WSB1: variants seen among roughly 807,000 people sequenced by gnomAD.
The protein encoded by WSB1 is WD repeat and SOCS box containing 1.
Under a neutral mutation model 50.2 loss-of-function variants are expected in WSB1, and 23 were observed. That is an observed-to-expected ratio of 0.46 (90% CI 0.33 to 0.65). The LOEUF (loss-of-function observed/expected upper bound fraction) is 0.65. Among genes scored for constraint, WSB1 ranks in the 30% least tolerant of loss-of-function variants. The probability of loss-of-function intolerance (pLI) is 0.02; values close to 1 mark genes in which losing one functional copy is unlikely to be tolerated. For synonymous variants in WSB1, 179 were observed against 172.0 expected (o/e 1.04, Z -0.32); for missense variants, 492 against 522.3 (o/e 0.94, Z 0.56).
rs1229736670 is a variant in WSB1, at chr17:27,314,126, T to A, written c.*1757T>A. On this transcript the variant is annotated 3_prime_UTR_variant, in exon 9 of 9. Coordinates refer to ENST00000262394, the MANE Select transcript of WSB1 (RefSeq NM_015626.10). The stretch of plus-strand genomic sequence containing the variant: ...GTAAAAATTTATAGGGGGTGTAGGG[T>A]TATCAATTTGAAAGCCAGTAGAAAA... The A allele has an allele frequency of 6.6e-6, 1 of 152,138 alleles. No individual in the cohort carries two copies. Among genetic ancestry groups the A allele is most frequent in the Non-Finnish European group, 1.5e-5 (1 of 68,028 alleles). 9.4% of individuals were successfully genotyped at this position (152,138 alleles called of 1,614,324 possible). A position where few individuals can be genotyped will look rare whatever the true frequency, so the allele number is the denominator to read the frequency against.
At chr17:27,306,271 G>A (rs1383210995) in intron 4 of WSB1, among the ~76,000 whole-genome samples, 1 of 140,038 alleles carries the variant, frequency 7.1e-6, no homozygotes, top group Non-Finnish European at 1.5e-5. Context: ...GGAGTGCAGC[G>A]GCGTGATCTC....
rs566710348 is a variant in WSB1 at position 27,315,801 on chromosome 17, T to C, written c.*3432T>C. The stretch of plus-strand genomic sequence containing the variant: ...TCTAGAGTTATATATGGATGTACTA[T>C]CATTTGGTGATAAAAGCATAGAAAA... On this transcript the variant is annotated 3_prime_UTR_variant, in exon 9 of 9. Transcript: ENST00000262394. 46 of 152,376 alleles carry C rather than the reference T, an allele frequency of 3.0e-4. No homozygotes were observed. The highest frequency in any genetic ancestry group is 1.1e-3 in the African/African-American group (45 of 41,594). The allele number at this position is 152,376 out of a possible 1,614,324, so 9.4% of individuals were successfully genotyped here.
In WSB1 at chr17:27,312,463, TAGA is replaced by T. The variant is rs2017724660; in HGVS notation, c.*98_*100del. 6.7e-7 allele frequency: 1 copy of T among 1,496,482 alleles called. No homozygotes were observed. The highest frequency in any genetic ancestry group is 1.4e-5 in the African/African-American group (1 of 70,622). 92.7% of individuals were successfully genotyped at this position (1,496,482 alleles called of 1,614,324 possible). ...CTTCAATTATCTGTTTTTAAAGACG[TAGA>T]AGATTTATTTAATTTGATATGTTCT... On this transcript the variant is annotated 3_prime_UTR_variant, in exon 9 of 9. Coordinates refer to ENST00000262394, the MANE Select transcript of WSB1 (RefSeq NM_015626.10).
chr17:27,308,879 A>G, intron 5 of WSB1: 1 of 1,162,760 alleles, frequency 8.6e-7, no homozygotes, highest in Non-Finnish European at 1.1e-6. Flanking sequence ...TTTTTAAATT[A>G]ACATTTAACA....
chr17:27,301,471 A>T (rs925080589), intron 1 of WSB1, among the ~76,000 whole-genome samples: 2 of 152,228 alleles, frequency 1.3e-5, no homozygotes, highest in African/African-American at 4.8e-5. Flanking sequence ...ATACAATGCA[A>T]AAGTTAGGAC....
At chr17:27,301,646 C>T (rs953507290) in intron 1 of WSB1, 142 bp from the exon 2 acceptor site, 4 of 723,128 alleles carry the variant, frequency 5.5e-6, no homozygotes, top group Non-Finnish European at 8.8e-6. Context: ...TGCATACCCC[C>T]CGTTAGAGGA....
At chr17:27,300,712 GAC>G (rs996461551) in intron 1 of WSB1, among the ~76,000 whole-genome samples, 1 of 136,124 alleles carries the variant, frequency 7.3e-6, no homozygotes, top group Non-Finnish European at 1.5e-5. Context: ...TTTTTTTTAT[GAC>G]AGTCTTGCTC....
chr17:27,294,671 G>A (rs2016873065), intron 1 of WSB1, among the ~76,000 whole-genome samples: 1 of 152,196 alleles, frequency 6.6e-6, no homozygotes, highest in South Asian at 2.1e-4. Flanking sequence ...GCTGGGGCGG[G>A]CAAGGACCCC....
chr17:27,306,834 A>G lies in WSB1; in HGVS notation c.663A>G (p.Ala221=), dbSNP rs1567689753. 1 of 1,614,192 alleles carries G rather than the reference A, an allele frequency of 6.2e-7. No individual in the cohort carries two copies. The highest frequency in any genetic ancestry group is 8.5e-7 in the Non-Finnish European group (1 of 1,180,052). The change falls in exon 5 of 9, where the codon GCA becomes GCG. Residue 221 remains alanine (A), a synonymous_variant. Transcript: ENST00000262394. Reference sequence around the variant, plus strand: ...ATCAGAATTGGGTGTACAGCTGTGCATTCTCTCCTGACTCTTCTATGCTGT... The same window carrying G: ...ATCAGAATTGGGTGTACAGCTGTGCGTTCTCTCCTGACTCTTCTATGCTGT... ...RGHQNWVYSC[A]FSPDSSMLCS... is the part of the protein sequence containing the mutation.
In WSB1 at chr17:27,303,519, A is replaced by T. The variant is rs770608820; in HGVS notation, c.362A>T (p.Glu121Val). ...CTTGCTTTTGGGTCATCAGTTCCAG[A>T]AAAACAGAGTCGCTGTGTAAATATA... Reference protein sequence around the residue: ...WSLAFGSSVPEKQSRCVNIEW... With the variant: ...WSLAFGSSVPVKQSRCVNIEW... The change falls in exon 3 of 9, where the codon GAA becomes GTA. Residue 121 changes from glutamate (E) to valine (V), a missense_variant. Glu to Val is a moderately radical substitution (Grantham distance 121, BLOSUM62 -2). Coordinates refer to ENST00000262394, the MANE Select transcript of WSB1 (RefSeq NM_015626.10). 1.2e-6 allele frequency: 2 copies of T among 1,614,206 alleles called. No homozygotes were observed. Among genetic ancestry groups the T allele is most frequent in the Non-Finnish European group, 1.7e-6 (2 of 1,180,030 alleles).
rs1480010043 is a variant in WSB1 at position 27,314,602 on chromosome 17, A to G, written c.*2233A>G. ...ATAAGATACCATTACTTTTCATATC[A>G]TTGCATTATTTTTGCTTTCCACACC... is the stretch of plus-strand genomic sequence containing the variant. On this transcript the variant is annotated 3_prime_UTR_variant, in exon 9 of 9. Transcript: ENST00000262394. 5.9e-5 allele frequency: 9 copies of G among 152,154 alleles called. No individual in the cohort carries two copies. The highest frequency in any genetic ancestry group is 2.2e-4 in the African/African-American group (9 of 41,432). 9.4% of individuals were successfully genotyped at this position (152,154 alleles called of 1,614,324 possible). A position where few individuals can be genotyped will look rare whatever the true frequency, so the allele number is the denominator to read the frequency against.
intron 1 of WSB1, among the ~76,000 whole-genome samples, chr17:27,299,525 A>G (rs775511708): frequency 1.3e-5 from 2 of 152,236 alleles, no homozygotes; most frequent in Non-Finnish European, 2.9e-5. Context: ...AAACAAAGTT[A>G]TGTGACGGCT....
At chr17:27,304,503 A>G (rs2017361008) in intron 3 of WSB1, among the ~76,000 whole-genome samples, 1 of 138,658 alleles carries the variant, frequency 7.2e-6, no homozygotes, top group Non-Finnish European at 1.5e-5. Flanking sequence ...GTTTTAGACC[A>G]GCCTGGGCAA....
intron 2 of WSB1, 22 bp from the exon 3 acceptor site, chr17:27,303,345 C>T: frequency 6.2e-7 from 1 of 1,609,418 alleles, no homozygotes; most frequent in Non-Finnish European, 8.5e-7. Flanking sequence ...ATACAATTTC[C>T]ATCTGACTTC....
chr17:27,295,994 C>A (rs775230161), intron 1 of WSB1, among the ~76,000 whole-genome samples: 22 of 151,966 alleles, frequency 1.4e-4, no homozygotes, highest in Non-Finnish European at 2.4e-4. Flanking sequence ...TGCACACGCC[C>A]GGCTAATTTT....
chr17:27,301,888 A>C lies in WSB1; in HGVS notation c.141A>C (p.Ser47=), dbSNP rs2017245946. Residue 47 remains serine, a synonymous_variant, in exon 2 of 9, where the codon TCA becomes TCC. Transcript: ENST00000262394. ...CTGTTGCTTTTGCTCCAGATGGTTC[A>C]TACTTTGCTTGGTCACAAGGACATC... ...NWTVAFAPDG[S]YFAWSQGHRT... 11 of 1,613,736 alleles carry C rather than the reference A, an allele frequency of 6.8e-6. No homozygotes were observed. The Admixed American group carries it at 1.7e-4, about 24-fold the overall frequency.
chr17:27,295,895 T>A (rs2016945429), intron 1 of WSB1, among the ~76,000 whole-genome samples: 1 of 151,782 alleles, frequency 6.6e-6, no homozygotes. Flanking sequence ...TGGAGTGCAA[T>A]GGCACGATCT....
chr17:27,308,071 A>G, intron 5 of WSB1: 4 of 1,158,670 alleles, frequency 3.5e-6, no homozygotes, highest in Non-Finnish European at 4.2e-6. Flanking sequence ...AATTTAATGT[A>G]AAGTATTTGG....
rs1597775278 is a variant in WSB1 at position 27,314,487 on chromosome 17, A to T, written c.*2118A>T. 6.6e-6 allele frequency: 1 copy of T among 151,950 alleles called. No homozygotes were observed. The highest frequency in any genetic ancestry group is 2.1e-4 in the South Asian group (1 of 4,798). 9.4% of individuals were successfully genotyped at this position (151,950 alleles called of 1,614,324 possible). Reference sequence around the variant, plus strand: ...GCTACTTAGGAGGCTGAGGCAAGAGAATTGCTTGAACTGGAGAAATGGAGG... The same window carrying T: ...GCTACTTAGGAGGCTGAGGCAAGAGTATTGCTTGAACTGGAGAAATGGAGG... On this transcript the variant is annotated 3_prime_UTR_variant, in exon 9 of 9. Transcript: ENST00000262394.
Sources: gnomAD v4.1 joint callset for allele counts (sites outside exome capture counted in the v4.1 genomes callset) on GRCh38, gnomAD v4.1.1 for gene constraint, MANE v1.5 for transcripts, NCBI Gene and HGNC (gene_info 2026-07-23, HGNC 2026-07-21) for gene names.